Variants in TTLL11 observed in about 807,000 individuals in gnomAD.
TTLL11 encodes the protein tubulin polyglutamylase TTLL11.
In TTLL11, 42 loss-of-function variants were observed where a neutral mutation model predicts 51.7. The observed-to-expected ratio is 0.81, with a 90% CI of 0.64 to 1.05. The LOEUF (loss-of-function observed/expected upper bound fraction) is 1.05, where lower values mean the gene tolerates loss of function less well. Among genes scored for constraint, TTLL11 ranks in the 50% least tolerant of loss-of-function variants. The pLI, the probability that TTLL11 is intolerant of heterozygous loss-of-function variation, is 0.00. For missense variants in TTLL11, 799 were observed against 940.4 expected (o/e 0.85, Z 1.97); for synonymous variants, 381 against 383.5 (o/e 0.99, Z 0.08).
intron 6 of TTLL11, among the ~76,000 whole-genome samples, chr9:121,943,750 C>A (rs1841572051): frequency 6.6e-6 from 1 of 152,176 alleles, no homozygotes; most frequent in African/African-American, 2.4e-5. Context: ...GGCCTCATTG[C>A]ACTTGTTTTC....
intron 1 of TTLL11, among the ~76,000 whole-genome samples, chr9:122,087,759 G>T (rs1184764161): frequency 6.6e-6 from 1 of 152,160 alleles, no homozygotes; most frequent in Non-Finnish European, 1.5e-5. Context: ...AGCATCCATG[G>T]GAGATGGGGA....
At chr9:121,913,625 G>A (rs1564302075) in intron 6 of TTLL11, among the ~76,000 whole-genome samples, 1 of 152,200 alleles carries the variant, frequency 6.6e-6, no homozygotes, top group Non-Finnish European at 1.5e-5. Flanking sequence ...CTCAACATCT[G>A]TCTAGGACTG....
At chr9:121,985,841 T>C (rs1313126228) in intron 4 of TTLL11, among the ~76,000 whole-genome samples, 1 of 152,170 alleles carries the variant, frequency 6.6e-6, no homozygotes, top group Admixed American at 6.5e-5. Context: ...TTTTCTCCCT[T>C]AATGACTGGG....
intron 8 of TTLL11, among the ~76,000 whole-genome samples, chr9:121,848,924 A>G (rs1837590828): frequency 6.6e-6 from 1 of 152,246 alleles, no homozygotes; most frequent in Non-Finnish European, 1.5e-5. Context: ...AGGACAAAAG[A>G]CCAGAATAGC....
intron 6 of TTLL11, among the ~76,000 whole-genome samples, chr9:121,903,107 T>C (rs1013765256): frequency 7.9e-5 from 12 of 152,274 alleles, no homozygotes; most frequent in African/African-American, 2.6e-4. Context: ...GGGCCAACTC[T>C]CAGAGGCCTG....
intron 1 of TTLL11, among the ~76,000 whole-genome samples, chr9:122,092,065 C>G (rs554019944): frequency 6.6e-6 from 1 of 152,092 alleles, no homozygotes. Flanking sequence ...AAGGTGGTAA[C>G]GTAAGTTACC....
intron 1 of TTLL11, among the ~76,000 whole-genome samples, chr9:122,070,001 A>G (rs1449065257): frequency 6.6e-6 from 1 of 151,668 alleles, no homozygotes; most frequent in East Asian, 1.9e-4. Flanking sequence ...ACACACACAC[A>G]CACACACACA....
At chr9:122,079,793 TAGA>T (rs1845954364) in intron 1 of TTLL11, among the ~76,000 whole-genome samples, 8 of 151,760 alleles carry the variant, frequency 5.3e-5, no homozygotes. Context: ...TACCTCTGGG[TAGA>T]AGATCAGGGA....
intron 1 of TTLL11, among the ~76,000 whole-genome samples, chr9:122,066,969 G>A (rs1321375828): frequency 1.3e-5 from 2 of 152,178 alleles, no homozygotes; most frequent in African/African-American, 4.8e-5. Context: ...TCACTATCAT[G>A]AGAACAGCAT....
At chr9:122,049,477 T>A (rs1845103683) in intron 1 of TTLL11, among the ~76,000 whole-genome samples, 1 of 152,156 alleles carries the variant, frequency 6.6e-6, no homozygotes, top group Non-Finnish European at 1.5e-5. Context: ...GATGTCTTTT[T>A]GGAGACTGCT....
At chr9:122,080,200 T>C (rs2131916246) in intron 1 of TTLL11, among the ~76,000 whole-genome samples, 1 of 152,330 alleles carries the variant, frequency 6.6e-6, no homozygotes, top group South Asian at 2.1e-4. Flanking sequence ...GAAGATTCAT[T>C]TGTTTCACTC....
At chr9:121,974,769 A>T (rs975828245) in intron 5 of TTLL11, 115 bp downstream of exon 5, 1 of 823,596 alleles carries the variant, frequency 1.2e-6, no homozygotes, top group African/African-American at 1.8e-5. Flanking sequence ...ACTTGAACAG[A>T]ATTTGGCTAT....
intron 3 of TTLL11, among the ~76,000 whole-genome samples, chr9:122,011,053 T>C (rs375034214): frequency 5.3e-5 from 8 of 152,204 alleles, no homozygotes; most frequent in African/African-American, 9.6e-5. Flanking sequence ...TAGGAGATAA[T>C]TGAATCATGG....
At chr9:122,023,318 C>T (rs10121688) in intron 3 of TTLL11, among the ~76,000 whole-genome samples, 6,686 of 151,844 alleles carry the variant, frequency 0.044, 175 homozygotes, top group African/African-American at 0.074. Context: ...AAGTTTCCCA[C>T]AAAGAAAATA....
intron 6 of TTLL11, among the ~76,000 whole-genome samples, chr9:121,922,359 G>C (rs78520132): frequency 6.6e-6 from 1 of 152,112 alleles, no homozygotes; most frequent in African/African-American, 2.4e-5. Flanking sequence ...CATCACCTCA[G>C]GTGTCAATGT....
intron 6 of TTLL11, among the ~76,000 whole-genome samples, chr9:121,892,007 A>C (rs1839258424): frequency 1.4e-5 from 2 of 146,522 alleles, no homozygotes; most frequent in Non-Finnish European, 3.0e-5. Flanking sequence ...TATCACTATA[A>C]TATAAAACCT....
intron 6 of TTLL11, among the ~76,000 whole-genome samples, chr9:121,947,900 G>A (rs1391668006): frequency 3.3e-5 from 5 of 152,208 alleles, no homozygotes; most frequent in East Asian, 3.8e-4. Context: ...AGCAGGGCTC[G>A]ATAGCTACAA....
At chr9:121,897,102 A>C (rs1839553750) in intron 6 of TTLL11, among the ~76,000 whole-genome samples, 1 of 152,212 alleles carries the variant, frequency 6.6e-6, no homozygotes, top group Admixed American at 6.5e-5. Context: ...AGCCATGCAC[A>C]CACAGGAAAA....
rs896436396 is a variant in TTLL11 at position 121,931,438 on chromosome 9, T to C, written c.1481+42571A>G. Among the ~76,000 whole-genome samples, 5 of 152,108 alleles carry C rather than the reference T, an allele frequency of 3.3e-5. No individual in the cohort carries two copies. The South Asian group carries it at 1.0e-3, about 32-fold the overall frequency. The stretch of plus-strand genomic sequence containing the variant: ...CCACAACGTCTCACCCCTGCCTTTC[T>C]GAACTATAAGAAATATTCAAAAGGC... On this transcript the variant is annotated intron_variant, in intron 6 of 8. Coordinates refer to ENST00000321582, the MANE Select transcript of TTLL11 (RefSeq NM_001139442.2).
Sources: gnomAD v4.1 joint callset for allele counts (sites outside exome capture counted in the v4.1 genomes callset) on GRCh38, gnomAD v4.1.1 for gene constraint, MANE v1.5 for transcripts, NCBI Gene and HGNC (gene_info 2026-07-23, HGNC 2026-07-21) for gene names.